The following MYBL2 variants were observed in gnomAD, a reference collection of about 807,000 sequenced individuals.
MYBL2 encodes the protein myb-related protein B.
In MYBL2, 28 loss-of-function variants were observed where a neutral mutation model predicts 79.9. The ratio of observed to expected loss-of-function variants is 0.35; its 90% CI spans 0.26 to 0.48. The LOEUF (loss-of-function observed/expected upper bound fraction) is 0.48, where lower values mean the gene tolerates loss of function less well. Among genes scored for constraint, MYBL2 ranks in the 20% least tolerant of loss-of-function variants. MYBL2 has a pLI of 0.99. For synonymous variants in MYBL2, 378 were observed against 361.2 expected (o/e 1.05, Z -0.53); for missense variants, 735 against 893.9 (o/e 0.82, Z 2.27).
In MYBL2 at chr20:43,692,147, C is replaced by T. The variant is rs1432701620; in HGVS notation, c.501-10C>T. The T allele has an allele frequency of 6.2e-7, 1 of 1,612,712 alleles. No homozygotes were observed. Among genetic ancestry groups the T allele is most frequent in the African/African-American group, 1.3e-5 (1 of 74,872 alleles). Reference sequence around the variant, plus strand: ...GCTGGGGTTCAAAGGCCCCCTGCTGCCCCCTGCAGGACAGACAATGCTGTG... The same window carrying T: ...GCTGGGGTTCAAAGGCCCCCTGCTGTCCCCTGCAGGACAGACAATGCTGTG... On this transcript the variant is annotated splice_polypyrimidine_tract_variant and intron_variant, in intron 5 of 13. Coordinates refer to ENST00000217026, the MANE Select transcript of MYBL2 (RefSeq NM_002466.4).
intron 1 of MYBL2, among the ~76,000 whole-genome samples, chr20:43,668,597 C>T (rs1568841691): frequency 6.6e-6 from 1 of 151,956 alleles, no homozygotes; most frequent in Admixed American, 6.6e-5. Flanking sequence ...GGGATCTGAG[C>T]ACAGGGACTG....
At chr20:43,702,116 GTC>G in intron 7 of MYBL2, among the ~76,000 whole-genome samples, 1 of 152,164 alleles carries the variant, frequency 6.6e-6, no homozygotes, top group Non-Finnish European at 1.5e-5. Context: ...GACAGAGCAA[GTC>G]TCTGTCTCAA....
At position 43,699,991 on chromosome 20, in the gene MYBL2, C is replaced by T. The variant is rs753543548; in HGVS notation, c.898C>T (p.Leu300Phe). The change falls in exon 7 of 14, where the codon CTC (leucine) becomes TTC (phenylalanine). Residue 300 changes from leucine to phenylalanine, a missense_variant. By Grantham distance (22) the Leu-to-Phe change is conservative (BLOSUM62 0). This residue lies in a region of MYBL2 where 243 missense variants were observed against 327.2 expected (regional missense o/e 0.74). Transcript: ENST00000217026. ...YKWVVEAANL[L>F]IPAVGSSLSE... is the part of the protein sequence containing the mutation. ...GTGGGTGGTGGAGGCAGCTAACCTC[C>T]TCATCCCTGCTGTGGGTTCTAGCCT... 8 of 1,613,976 alleles carry T rather than the reference C, an allele frequency of 5.0e-6. No individual in the cohort carries two copies. Among genetic ancestry groups the T allele is most frequent in the Non-Finnish European group, 6.8e-6 (8 of 1,180,050 alleles).
In MYBL2 at chr20:43,688,476, T is replaced by C. The variant is rs965450550; in HGVS notation, c.500+1404T>C. Among the ~76,000 whole-genome samples the C allele has an allele frequency of 3.9e-5, 6 of 152,278 alleles. No homozygotes were observed. In the South Asian group the frequency reaches 1.2e-3, roughly 32 times the overall value. On this transcript the variant is annotated intron_variant, in intron 5 of 13. Transcript: ENST00000217026. The stretch of plus-strand genomic sequence containing the variant: ...TCACAAAGTGTTGGGATTACAGGCA[T>C]GAGCCACTATGCCCAGACTCTTTAA...
chr20:43,673,194 C>G (rs1319191115), intron 1 of MYBL2, among the ~76,000 whole-genome samples: 1 of 150,716 alleles, frequency 6.6e-6, no homozygotes, highest in Non-Finnish European at 1.5e-5. Flanking sequence ...ATCCACCCAC[C>G]TCGGCCTCCC....
Position 43,713,070 on chromosome 20 carries a change from G to A in MYBL2, c.1788G>A (p.Lys596=), listed in dbSNP as rs1255164726. 2 of 1,613,218 alleles carry A rather than the reference G, an allele frequency of 1.2e-6. No individual in the cohort carries two copies. Among genetic ancestry groups the A allele is most frequent in the Non-Finnish European group, 8.5e-7 (1 of 1,179,722 alleles). The change falls in exon 12 of 14, where the codon AAG becomes AAA. Residue 596 remains lysine (K), a synonymous_variant. Transcript: ENST00000217026. ...TTGACATTGTGGATGAGGATGTGAA[G>A]CTGATGATGTCCACACTGCCCAAGT... ...LALDIVDEDV[K]LMMSTLPKSL... is the part of the protein sequence containing the mutation.
intron 1 of MYBL2, among the ~76,000 whole-genome samples, chr20:43,669,283 G>C (rs1241042955): frequency 6.6e-6 from 1 of 152,224 alleles, no homozygotes; most frequent in Non-Finnish European, 1.5e-5. Flanking sequence ...GATTACAGGT[G>C]TGAGCCACCT....
intron 2 of MYBL2, among the ~76,000 whole-genome samples, chr20:43,675,310 T>A (rs1429243468): frequency 6.6e-6 from 1 of 151,434 alleles, no homozygotes; most frequent in Non-Finnish European, 1.5e-5. Flanking sequence ...AACAGTTTGA[T>A]CAGTTTTTTT....
At chr20:43,688,027 AT>A (rs1221253207) in intron 5 of MYBL2, among the ~76,000 whole-genome samples, 12 of 146,690 alleles carry the variant, frequency 8.2e-5, no homozygotes, top group Non-Finnish European at 1.7e-4. Flanking sequence ...AAAAAAAAAA[AT>A]TTTTTTTTCC....
intron 12 of MYBL2, among the ~76,000 whole-genome samples, chr20:43,713,929 C>T (rs1193834539): frequency 6.6e-6 from 1 of 152,140 alleles, no homozygotes; most frequent in African/African-American, 2.4e-5. Flanking sequence ...CGGTGAGAGG[C>T]ATGGCGGCGT....
In MYBL2 at chr20:43,716,013, A is replaced by G; in HGVS notation, c.2029A>G (p.Met677Val). Reference protein sequence around the residue: ...ACGGTRDQLFMQEKARQLLGR... With the variant: ...ACGGTRDQLFVQEKARQLLGR... Reference sequence around the variant, plus strand: ...CGGGGGGACCAGGGACCAGCTTTTCATGCAGGAGAAAGCCCGGCAGCTCCT... The same window carrying G: ...CGGGGGGACCAGGGACCAGCTTTTCGTGCAGGAGAAAGCCCGGCAGCTCCT... Residue 677 changes from methionine to valine, a missense_variant, in exon 14 of 14, where the codon ATG becomes GTG. By Grantham distance (21) the Met-to-Val change is conservative (BLOSUM62 1). Transcript: ENST00000217026. 1.9e-6 allele frequency: 3 copies of G among 1,612,230 alleles called. No individual in the cohort carries two copies. Among genetic ancestry groups the G allele is most frequent in the Non-Finnish European group, 2.5e-6 (3 of 1,179,846 alleles).
At chr20:43,681,912 T>G (rs754842948) in intron 3 of MYBL2, 57 bp downstream of exon 3, 12 of 1,579,416 alleles carry the variant, frequency 7.6e-6, no homozygotes, top group Non-Finnish European at 9.6e-6. Flanking sequence ...GAGAACAGTG[T>G]GCCTGGGACA....
intron 6 of MYBL2, among the ~76,000 whole-genome samples, chr20:43,694,586 C>T (rs1330491803): frequency 6.6e-6 from 1 of 152,120 alleles, no homozygotes; most frequent in Non-Finnish European, 1.5e-5. Context: ...TATGTTTTTG[C>T]CTCTATTTCT....
rs1988032782 is a variant in MYBL2, at chr20:43,716,301, A to G, written c.*214A>G. 21 of 657,174 alleles carry G rather than the reference A, an allele frequency of 3.2e-5. No homozygotes were observed. The highest frequency in any genetic ancestry group is 9.0e-5 in the South Asian group (4 of 44,588). 40.7% of individuals were successfully genotyped at this position (657,174 alleles called of 1,614,324 possible). ...CTCCTGGTGCTAACAACAAAGTTCC[A>G]CTTCCAGGTCTGCCTGGTTCCCTCC... On this transcript the variant is annotated 3_prime_UTR_variant, in exon 14 of 14. Coordinates refer to ENST00000217026, the MANE Select transcript of MYBL2 (RefSeq NM_002466.4).
Position 43,716,390 on chromosome 20 carries a change from A to C in MYBL2, c.*303A>C. On this transcript the variant is annotated 3_prime_UTR_variant, in exon 14 of 14. Coordinates refer to ENST00000217026, the MANE Select transcript of MYBL2 (RefSeq NM_002466.4). ...CACGTCAGGCCTGGCCTCATCTCAG[A>C]CCCTGCTTAGGATGGGGGATGTGGC... 1 of 410,442 alleles carries C rather than the reference A, an allele frequency of 2.4e-6. No individual in the cohort carries two copies. Among genetic ancestry groups the C allele is most frequent in the Non-Finnish European group, 4.3e-6 (1 of 229,932 alleles). The allele number at this position is 410,442 out of a possible 1,614,324, so 25.4% of individuals were successfully genotyped here.
intron 4 of MYBL2, among the ~76,000 whole-genome samples, chr20:43,686,330 A>G (rs1987273020): frequency 6.6e-6 from 1 of 152,104 alleles, no homozygotes; most frequent in Admixed American, 6.6e-5. Flanking sequence ...GTGGGGACTC[A>G]GGTCTGGCTA....
intron 2 of MYBL2, among the ~76,000 whole-genome samples, chr20:43,675,084 A>G (rs998180628): frequency 4.0e-5 from 6 of 151,664 alleles, no homozygotes; most frequent in African/African-American, 1.5e-4. Flanking sequence ...GGCTCAAGCA[A>G]TCCTCCCCCG....
At chr20:43,696,949 T>TC (rs1987557653) in intron 6 of MYBL2, among the ~76,000 whole-genome samples, 1 of 152,300 alleles carries the variant, frequency 6.6e-6, no homozygotes, top group Non-Finnish European at 1.5e-5. Flanking sequence ...ATGGTCTCGA[T>TC]TTCTTGACCT....
chr20:43,685,787 C>G (rs1369903072), intron 4 of MYBL2, among the ~76,000 whole-genome samples: 1 of 151,614 alleles, frequency 6.6e-6, no homozygotes, highest in Non-Finnish European at 1.5e-5. Flanking sequence ...CCTATAATCC[C>G]AGCACTTTGG....
Sources: allele counts gnomAD v4.1 joint callset (sites outside exome capture counted in the v4.1 genomes callset), GRCh38; gene constraint gnomAD v4.1.1; regional missense constraint gnomAD v4.1.1; transcripts MANE v1.5; gene names NCBI Gene and HGNC (gene_info 2026-07-23, HGNC 2026-07-21).